PRKAG2: variants seen among roughly 807,000 people sequenced by gnomAD.
The protein encoded by PRKAG2 is protein kinase AMP-activated non-catalytic subunit gamma 2, also known as 5'-AMP-activated protein kinase subunit gamma-2.
PRKAG2 carries 26 observed loss-of-function variants against 69.6 expected under a neutral mutation model. The observed-to-expected ratio is 0.37, with a 90% confidence interval of 0.27 to 0.52. The LOEUF (loss-of-function observed/expected upper bound fraction) is 0.52, where lower values mean the gene tolerates loss of function less well. PRKAG2 is among the 20% of genes least tolerant of loss of function. The pLI, the probability that PRKAG2 is intolerant of heterozygous loss-of-function variation, is 0.90. For synonymous variants in PRKAG2, 293 were observed against 285.0 expected (o/e 1.03, Z -0.28); for missense variants, 557 against 740.0 (o/e 0.75, Z 2.87).
At chr7:151,759,675 A>G (rs2075303774) in intron 3 of PRKAG2, among the ~76,000 whole-genome samples, 1 of 152,208 alleles carries the variant, frequency 6.6e-6, no homozygotes. Context: ...TCCCCCAGGC[A>G]GGACCAACCT....
intron 3 of PRKAG2, among the ~76,000 whole-genome samples, chr7:151,742,165 C>T (rs1274102548): frequency 6.6e-6 from 1 of 152,176 alleles, no homozygotes; most frequent in Non-Finnish European, 1.5e-5. Flanking sequence ...TTCCACCATA[C>T]CATACTTTCT....
At chr7:151,593,985 C>A (rs1209018268) in intron 6 of PRKAG2, among the ~76,000 whole-genome samples, 3 of 152,214 alleles carry the variant, frequency 2.0e-5, no homozygotes, top group African/African-American at 4.8e-5. Context: ...GGGGAGCCCT[C>A]TGAGGACGCA....
intron 3 of PRKAG2, among the ~76,000 whole-genome samples, chr7:151,765,909 G>A (rs1322267727): frequency 6.6e-6 from 1 of 152,172 alleles, no homozygotes; most frequent in African/African-American, 2.4e-5. Flanking sequence ...TGGCACTCCT[G>A]ACCCACTAAC....
In PRKAG2 at chr7:151,828,964, A is replaced by G. The variant is rs2078964882; in HGVS notation, c.115-42423T>C. Among the ~76,000 whole-genome samples the G allele has an allele frequency of 6.6e-6, 1 of 152,230 alleles. No individual in the cohort carries two copies. Among genetic ancestry groups the G allele is most frequent in the African/African-American group, 2.4e-5 (1 of 41,472 alleles). On this transcript the variant is annotated intron_variant, in intron 1 of 15. Transcript: ENST00000287878. The surrounding 1 kb of genome is among the most constrained non-coding windows in gnomAD (Gnocchi z 4.6). ...AACTGCTTATACTTGTGTTTATTTG[A>G]CGTGTTCTCAATGTGTTAGAAGGCT...
chr7:151,835,283 A>T lies in PRKAG2; in HGVS notation c.114+41224T>A, dbSNP rs1189096964. Among the ~76,000 whole-genome samples the T allele has an allele frequency of 6.6e-6, 1 of 152,096 alleles. No homozygotes were observed. Among genetic ancestry groups the T allele is most frequent in the African/African-American group, 2.4e-5 (1 of 41,380 alleles). On this transcript the variant is annotated intron_variant, in intron 1 of 15. Coordinates refer to ENST00000287878, the MANE Select transcript of PRKAG2 (RefSeq NM_016203.4). This position sits in a 1 kb window ranked among gnomAD's most constrained non-coding sequence, Gnocchi z 4.1. ...AGGCTGGAGTGCCATGACACACACG[A>T]TCTTGGCTCACTGCAGCCTTGACCT... is the stretch of plus-strand genomic sequence containing the variant.
In PRKAG2 at chr7:151,595,353, T is replaced by C; in HGVS notation, c.856A>G (p.Thr286Ala). 6.2e-7 allele frequency: 1 copy of C among 1,609,928 alleles called. No individual in the cohort carries two copies. Among genetic ancestry groups the C allele is most frequent in the Non-Finnish European group, 8.5e-7 (1 of 1,176,364 alleles). ...AAATGGAGTACACTTACTTGTAATG[T>C]AGTATCAAAGACAACAAGCTTTGAA... ...TSSKLVVFDT[T>A]LQVKKAFFAL... is the part of the protein sequence containing the mutation. Residue 286 changes from threonine to alanine, a missense_variant, in exon 6 of 16, where the codon ACA becomes GCA. Coordinates refer to ENST00000287878, the MANE Select transcript of PRKAG2 (RefSeq NM_016203.4).
chr7:151,726,394 A>ACACACACACACACACG (rs2151661069), intron 3 of PRKAG2, among the ~76,000 whole-genome samples: 1 of 145,600 alleles, frequency 6.9e-6, no homozygotes, highest in South Asian at 2.5e-4. Flanking sequence ...ACACACACAC[A>ACACACACACACACACG]CACACACGCA....
chr7:151,677,297 C>T (rs1429227027), intron 3 of PRKAG2, among the ~76,000 whole-genome samples: 3 of 152,176 alleles, frequency 2.0e-5, no homozygotes. Flanking sequence ...AGCGATTCTC[C>T]TGCCTTAGCA....
intron 3 of PRKAG2, among the ~76,000 whole-genome samples, chr7:151,747,538 T>G (rs995141436): frequency 2.0e-5 from 3 of 150,144 alleles, no homozygotes; most frequent in African/African-American, 7.4e-5. Flanking sequence ...GCCTGGGTGA[T>G]AGAGAGAGAC....
chr7:151,741,047 C>T lies in PRKAG2; in HGVS notation c.466+40105G>A, dbSNP rs949348784. 4.6e-5 allele frequency among the ~76,000 whole-genome samples: 7 copies of T among 152,040 alleles called. No homozygotes were observed. The South Asian group carries it at 6.2e-4, about 14-fold the overall frequency. ...CAGCTTCTAACAAAAATTGTTTTCT[C>T]GATTTAAAAATAAAATAACACCTGG... On this transcript the variant is annotated intron_variant, in intron 3 of 15. Coordinates refer to ENST00000287878, the MANE Select transcript of PRKAG2 (RefSeq NM_016203.4).
intron 1 of PRKAG2, among the ~76,000 whole-genome samples, chr7:151,827,772 A>AAAAAAAAC (rs1182409684): frequency 6.7e-6 from 1 of 150,084 alleles, no homozygotes; most frequent in African/African-American, 2.5e-5. Context: ...AAAAAAAAAA[A>AAAAAAAAC]AACTGCCTTG....
In PRKAG2 at chr7:151,786,537, A is replaced by T. The variant is rs139653890; in HGVS notation, c.119T>A (p.Leu40Gln). 3.7e-6 allele frequency: 6 copies of T among 1,608,350 alleles called. No individual in the cohort carries two copies. The highest frequency in any genetic ancestry group is 4.3e-6 in the Non-Finnish European group (5 of 1,175,838). The change falls in exon 2 of 16, where the codon CTG (leucine) becomes CAG (glutamine). Residue 40 changes from leucine to glutamine, a missense_variant. Coordinates refer to ENST00000287878, the MANE Select transcript of PRKAG2 (RefSeq NM_016203.4). ...RRSLRVHIPD[L>Q]SSFAMPLLDG... The stretch of plus-strand genomic sequence containing the variant: ...CAGGAGCGGCATGGCGAAGGAGCTC[A>T]GGTCCTAGGGTGGACAGAGAGCACG...
At chr7:151,663,585 C>T (rs184512668) in intron 4 of PRKAG2, among the ~76,000 whole-genome samples, 87 of 152,244 alleles carry the variant, frequency 5.7e-4, no homozygotes, top group African/African-American at 2.1e-3. Context: ...GTCTCGAACT[C>T]CTGGGCTCAA....
chr7:151,675,658 A>G lies in PRKAG2; in HGVS notation c.467-21T>C, dbSNP rs116226629. 0.021 allele frequency: 33,139 copies of G among 1,595,048 alleles called. 1,693 individuals carry two copies. Among genetic ancestry groups the G allele is most frequent in the African/African-American group, 0.2 (14,772 of 73,806 alleles). ...GGAGGCTGCAGAAGAAACACCAAGG[A>G]CGGTCAGAGGTCCGGCTTCCAGGAA... is the stretch of plus-strand genomic sequence containing the variant. On this transcript the variant is annotated intron_variant, in intron 3 of 15. Coordinates refer to ENST00000287878, the MANE Select transcript of PRKAG2 (RefSeq NM_016203.4).
At chr7:151,598,919 T>C (rs1028124149) in intron 5 of PRKAG2, among the ~76,000 whole-genome samples, 3 of 152,092 alleles carry the variant, frequency 2.0e-5, no homozygotes, top group African/African-American at 7.2e-5. Context: ...TGGCTAGATC[T>C]TGGCTCACTG....
Position 151,802,430 on chromosome 7 carries a change from T to G in PRKAG2, c.115-15889A>C, listed in dbSNP as rs141742707. Among the ~76,000 whole-genome samples the G allele has an allele frequency of 1.9e-3, 289 of 152,258 alleles. 2 individuals carry two copies. The highest frequency in any genetic ancestry group is 6.6e-3 in the African/African-American group (273 of 41,552). On this transcript the variant is annotated intron_variant, in intron 1 of 15. Coordinates refer to ENST00000287878, the MANE Select transcript of PRKAG2 (RefSeq NM_016203.4). ...GTGCCAACGTTTCCCAAAGATCTGT[T>G]TTCAGACTAATCTGGGAGACAGCCT...
chr7:151,663,234 C>T (rs1830571062), intron 4 of PRKAG2, among the ~76,000 whole-genome samples: 1 of 152,194 alleles, frequency 6.6e-6, no homozygotes, highest in Non-Finnish European at 1.5e-5. Flanking sequence ...AACAAAGACC[C>T]TTCCACCTTC....
chr7:151,720,494 T>C (rs968274875), intron 3 of PRKAG2, among the ~76,000 whole-genome samples: 1 of 151,484 alleles, frequency 6.6e-6, no homozygotes, highest in African/African-American at 2.4e-5. Context: ...AACAATTTTC[T>C]TAAAATAGAT....
chr7:151,874,189 TATGTATATG>T (rs1319828375), intron 1 of PRKAG2, among the ~76,000 whole-genome samples: 1 of 134,082 alleles, frequency 7.5e-6, no homozygotes, highest in African/African-American at 3.1e-5. Context: ...TGTATATGTA[TATGTATATG>T]ATGTATATGT....
Sources: gnomAD v4.1 joint callset for allele counts (sites outside exome capture counted in the v4.1 genomes callset) on GRCh38, gnomAD v4.1.1 for gene constraint, Gnocchi (gnomAD v3.1) non-coding constraint, MANE v1.5 for transcripts, NCBI Gene and HGNC (gene_info 2026-07-23, HGNC 2026-07-21) for gene names.